ANKFN1: variants seen among roughly 807,000 people sequenced by gnomAD.
The protein encoded by ANKFN1 is ankyrin repeat and fibronectin type III domain containing 1, also known as ankyrin repeat and fibronectin type-III domain-containing protein 1.
A neutral mutation model predicts 108.7 loss-of-function variants in ANKFN1; 74 were observed. The ratio of observed to expected loss-of-function variants is 0.68; its 90% CI spans 0.56 to 0.83. The LOEUF (loss-of-function observed/expected upper bound fraction) is 0.83. Among genes scored for constraint, ANKFN1 ranks in the 40% least tolerant of loss-of-function variants. The probability of loss-of-function intolerance (pLI) is 0.00; values close to 1 mark genes in which losing one functional copy is unlikely to be tolerated. For missense variants in ANKFN1, 1,505 were observed against 1,382.3 expected, an observed-to-expected ratio of 1.09 and a Z score of -1.41; for synonymous variants, 547 against 516.2, an observed-to-expected ratio of 1.06 and a Z score of -0.81.
At chr17:56,318,454 C>T (rs2045270455) in intron 3 of ANKFN1, among the ~76,000 whole-genome samples, 1 of 152,088 alleles carries the variant, frequency 6.6e-6, no homozygotes, top group Admixed American at 6.6e-5. Context: ...AAATTATCTA[C>T]CATGCACAGG....
chr17:56,472,871 GA>G (rs2050368947), intron 15 of ANKFN1: 1 of 152,090 alleles, frequency 6.6e-6, no homozygotes, highest in Admixed American at 6.6e-5. Context: ...AAAAAAGAAA[GA>G]GAGAGAAAGA....
intron 18 of ANKFN1, 31 bp from the exon 19 acceptor site, chr17:56,492,156 A>G: frequency 2.9e-6 from 2 of 687,038 alleles, no homozygotes; most frequent in Admixed American, 2.0e-5. Context: ...CCAGATCTTA[A>G]CATGTTTTAT....
chr17:56,148,013 C>T (rs1313946879), intron 4 of ANKFN1, among the ~76,000 whole-genome samples: 5 of 152,196 alleles, frequency 3.3e-5, no homozygotes, highest in Non-Finnish European at 7.3e-5. Context: ...GGTGTTACTC[C>T]TGTCTTACAG....
intron 8 of ANKFN1, among the ~76,000 whole-genome samples, chr17:56,432,337 C>G (rs892791467): frequency 2.6e-5 from 4 of 151,950 alleles, no homozygotes; most frequent in African/African-American, 4.9e-5. Context: ...GATGTGACTA[C>G]TTTTAGTTCA....
chr17:56,047,883 G>A (rs1052220046), intron 4 of ANKFN1, among the ~76,000 whole-genome samples: 4 of 152,048 alleles, frequency 2.6e-5, no homozygotes, highest in African/African-American at 4.8e-5. Flanking sequence ...AACAAAATAG[G>A]GCAATATGAA....
At chr17:56,486,942 T>G (rs1197424003) in intron 18 of ANKFN1, among the ~76,000 whole-genome samples, 2 of 152,216 alleles carry the variant, frequency 1.3e-5, no homozygotes, top group African/African-American at 4.8e-5. Context: ...AAGTGAATCA[T>G]AAATAACTTG....
intron 15 of ANKFN1, among the ~76,000 whole-genome samples, chr17:56,470,250 C>T (rs1003957210): frequency 6.6e-6 from 1 of 152,200 alleles, no homozygotes; most frequent in Admixed American, 6.5e-5. Context: ...AGTGAACATA[C>T]GTGTGCACAT....
chr17:56,314,444 A>G (rs1182117630), intron 3 of ANKFN1, among the ~76,000 whole-genome samples: 6 of 152,242 alleles, frequency 3.9e-5, no homozygotes, highest in African/African-American at 1.4e-4. Flanking sequence ...TTTAGCCATC[A>G]TAGTGGGTGT....
chr17:56,500,502 A>G (rs1398774249), intron 20 of ANKFN1, among the ~76,000 whole-genome samples: 1 of 152,226 alleles, frequency 6.6e-6, no homozygotes, highest in African/African-American at 2.4e-5. Context: ...CTAATAAGAG[A>G]AACAGATATA....
intron 3 of ANKFN1, among the ~76,000 whole-genome samples, chr17:56,301,612 A>G (rs527833978): frequency 1.3e-5 from 2 of 152,040 alleles, no homozygotes; most frequent in South Asian, 4.1e-4. Context: ...TGGCTTCTAC[A>G]CCTAGCCCCA....
chr17:56,311,484 C>T (rs948649794), intron 3 of ANKFN1, among the ~76,000 whole-genome samples: 1 of 152,156 alleles, frequency 6.6e-6, no homozygotes, highest in Non-Finnish European at 1.5e-5. Flanking sequence ...ACCCTGAGTA[C>T]GTTATATTTT....
intron 3 of ANKFN1, among the ~76,000 whole-genome samples, chr17:56,314,664 A>G (rs2045146156): frequency 6.6e-6 from 1 of 152,164 alleles, no homozygotes; most frequent in Non-Finnish European, 1.5e-5. Flanking sequence ...ATTCACAGCT[A>G]ATAAGTAGGA....
intron 4 of ANKFN1, among the ~76,000 whole-genome samples, chr17:56,144,011 C>A (rs764219742): frequency 1.0e-3 from 155 of 152,250 alleles, no homozygotes; most frequent in Non-Finnish European, 1.5e-3. Context: ...GTAACCCTAG[C>A]AAACTGATCA....
intron 3 of ANKFN1, among the ~76,000 whole-genome samples, chr17:56,267,429 C>T (rs1489380811): frequency 6.6e-6 from 1 of 152,140 alleles, no homozygotes; most frequent in Non-Finnish European, 1.5e-5. Flanking sequence ...AAGTCCCAGT[C>T]GTCAATTTTA....
intron 3 of ANKFN1, among the ~76,000 whole-genome samples, chr17:56,287,222 T>C (rs1488478722): frequency 1.3e-5 from 2 of 152,058 alleles, no homozygotes; most frequent in East Asian, 3.9e-4. Flanking sequence ...AGATGTGGCA[T>C]CGGGTTTCTT....
intron 1 of ANKFN1, among the ~76,000 whole-genome samples, chr17:56,170,791 TATATATATATATATATACACAC>T (rs1567816139): frequency 1.6e-5 from 1 of 63,328 alleles, no homozygotes; most frequent in African/African-American, 4.9e-5. Flanking sequence ...TATATATATA[TATATATATATATATATACACAC>T]ACACACACAC....
intron 18 of ANKFN1, among the ~76,000 whole-genome samples, chr17:56,483,956 G>A (rs1207129090): frequency 6.6e-6 from 1 of 152,030 alleles, no homozygotes; most frequent in Non-Finnish European, 1.5e-5. Context: ...GCCAGAAATT[G>A]GAAGTGTTAA....
At chr17:56,440,826 G>T (rs759507319) in intron 9 of ANKFN1, among the ~76,000 whole-genome samples, 2 of 151,786 alleles carry the variant, frequency 1.3e-5, no homozygotes, top group African/African-American at 2.4e-5. Context: ...CCTCGGTTGA[G>T]ATCAGTCATC....
chr17:56,461,787 A>T (rs2049911924), intron 14 of ANKFN1, among the ~76,000 whole-genome samples: 2 of 152,236 alleles, frequency 1.3e-5, no homozygotes, highest in African/African-American at 2.4e-5. Flanking sequence ...GTAGACACTC[A>T]GTAAGTACAA....
Sources: allele counts gnomAD v4.1 joint callset (sites outside exome capture counted in the v4.1 genomes callset), GRCh38; gene constraint gnomAD v4.1.1; transcripts MANE v1.5; gene names NCBI Gene and HGNC (gene_info 2026-07-23, HGNC 2026-07-21).